Variants in CLVS2 observed in about 807,000 individuals in gnomAD.
CLVS2 encodes clavesin 2, also known as clavesin-2.
CLVS2 carries 19 observed loss-of-function variants against 29.0 expected under a neutral mutation model. The observed-to-expected ratio is 0.66, with a 90% CI of 0.46 to 0.96. CLVS2 has a LOEUF of 0.96. Ranked by LOEUF, CLVS2 falls within the 40% of genes least tolerant of loss-of-function variation. CLVS2 has a pLI of 0.00. For missense variants in CLVS2, 294 were observed against 404.1 expected (o/e 0.73, Z 2.34); for synonymous variants, 161 against 151.3 (o/e 1.06, Z -0.47).
intron 5 of CLVS2, among the ~76,000 whole-genome samples, 171 bp from the exon 6 acceptor site, chr6:123,063,503 A>G (rs1772808954): frequency 6.6e-6 from 1 of 152,138 alleles, no homozygotes; most frequent in Non-Finnish European, 1.5e-5. Flanking sequence ...AGTGCAAAAC[A>G]TCACCAGCAG....
chr6:123,070,515 A>C lies in CLVS2; in HGVS notation c.*6754A>C, dbSNP rs2114380567. The C allele has an allele frequency of 6.6e-6, 1 of 152,054 alleles. No homozygotes were observed. The highest frequency in any genetic ancestry group is 2.4e-5 in the African/African-American group (1 of 41,532). The allele number at this position is 152,054 out of a possible 1,614,324, so 9.4% of individuals were successfully genotyped here. Reference sequence around the variant, plus strand: ...CTTGCTTCCAGAGTCAATTTTCAACACATTAGCAAGAGTGAGTCTCTTAAA... The same window carrying C: ...CTTGCTTCCAGAGTCAATTTTCAACCCATTAGCAAGAGTGAGTCTCTTAAA... On this transcript the variant is annotated 3_prime_UTR_variant, in exon 6 of 6. Transcript: ENST00000275162.
At chr6:123,012,401 A>G (rs1774761704) in intron 3 of CLVS2, among the ~76,000 whole-genome samples, 1 of 151,874 alleles carries the variant, frequency 6.6e-6, no homozygotes, top group Non-Finnish European at 1.5e-5. Flanking sequence ...TATAATTGTT[A>G]TCCCTATTTA....
chr6:123,013,540 A>G (rs1002046782), intron 3 of CLVS2, among the ~76,000 whole-genome samples: 1 of 152,190 alleles, frequency 6.6e-6, no homozygotes, highest in African/African-American at 2.4e-5. Flanking sequence ...ACTTACGTGC[A>G]TTATGAATGG....
rs765104619 is a variant in CLVS2 at position 123,067,210 on chromosome 6, C to T, written c.*3449C>T. 4 of 151,594 alleles carry T rather than the reference C, an allele frequency of 2.6e-5. No homozygotes were observed. The highest frequency in any genetic ancestry group is 2.1e-4 in the South Asian group (1 of 4,824). 9.4% of individuals were successfully genotyped at this position (151,594 alleles called of 1,614,324 possible). A position where few individuals can be genotyped will look rare whatever the true frequency, so the allele number is the denominator to read the frequency against. ...AGGTCATATTGTTAAACATGTGAAGCGTCTGTAATATTCCTGAGGGAAAAG... is the reference window on the plus strand; with the variant it reads ...AGGTCATATTGTTAAACATGTGAAGTGTCTGTAATATTCCTGAGGGAAAAG... On this transcript the variant is annotated 3_prime_UTR_variant, in exon 6 of 6. Coordinates refer to ENST00000275162, the MANE Select transcript of CLVS2 (RefSeq NM_001010852.4).
intron 3 of CLVS2, among the ~76,000 whole-genome samples, chr6:123,014,114 A>G (rs954770941): frequency 3.9e-5 from 6 of 152,288 alleles, no homozygotes; most frequent in Middle Eastern, 3.4e-3. Context: ...TATTGCCGCT[A>G]TAAACATACG....
chr6:123,055,344 C>G (rs956329391), intron 4 of CLVS2, among the ~76,000 whole-genome samples: 6 of 152,136 alleles, frequency 3.9e-5, no homozygotes, highest in African/African-American at 7.2e-5. Flanking sequence ...AAAGAGAAAG[C>G]CTTGCAAGTG....
At chr6:122,998,451 T>A (rs903178193) in intron 2 of CLVS2, among the ~76,000 whole-genome samples, 1 of 152,144 alleles carries the variant, frequency 6.6e-6, no homozygotes, top group Non-Finnish European at 1.5e-5. Flanking sequence ...AACTTGTAAA[T>A]AAAGCTTCTC....
At chr6:123,007,452 A>C (rs993050145) in intron 2 of CLVS2, among the ~76,000 whole-genome samples, 2 of 152,212 alleles carry the variant, frequency 1.3e-5, no homozygotes, top group East Asian at 1.9e-4. Flanking sequence ...TTTAAGTTAC[A>C]TAAACATGCC....
chr6:123,002,841 G>A (rs192932065), intron 2 of CLVS2, among the ~76,000 whole-genome samples: 19 of 152,158 alleles, frequency 1.2e-4, no homozygotes, highest in African/African-American at 3.6e-4. Context: ...AGTCCTTTTC[G>A]TAAAAATTCT....
At chr6:123,049,000 CA>C (rs981514349) in intron 4 of CLVS2, among the ~76,000 whole-genome samples, 7 of 151,394 alleles carry the variant, frequency 4.6e-5, no homozygotes, top group South Asian at 4.2e-4. Context: ...ATTTAAAGGC[CA>C]AAAAAAACTC....
intron 5 of CLVS2, among the ~76,000 whole-genome samples, chr6:123,056,974 T>C (rs1010621194): frequency 6.6e-6 from 1 of 152,186 alleles, no homozygotes; most frequent in Non-Finnish European, 1.5e-5. Context: ...CTTTTATGCC[T>C]TTTATCTTTC....
chr6:123,016,414 C>T (rs552058162), intron 3 of CLVS2, among the ~76,000 whole-genome samples: 4 of 151,382 alleles, frequency 2.6e-5, no homozygotes, highest in Non-Finnish European at 4.4e-5. Flanking sequence ...GAAACTTGGA[C>T]TTTTTTATAA....
intron 5 of CLVS2, among the ~76,000 whole-genome samples, chr6:123,061,550 G>A (rs1288025214): frequency 6.6e-6 from 1 of 152,134 alleles, no homozygotes; most frequent in Non-Finnish European, 1.5e-5. Flanking sequence ...TGTGATTGAG[G>A]CATTGTTTCA....
rs1224536800 is a variant in CLVS2 at position 123,070,687 on chromosome 6, C to T, written c.*6926C>T. ...GTTTCTGATTGGGCTGGCATTTTTG[C>T]TGGTACTATGAAAAAATAGTTGTTA... On this transcript the variant is annotated 3_prime_UTR_variant, in exon 6 of 6. Coordinates refer to ENST00000275162, the MANE Select transcript of CLVS2 (RefSeq NM_001010852.4). 1 of 151,974 alleles carries T rather than the reference C, an allele frequency of 6.6e-6. No individual in the cohort carries two copies. The highest frequency in any genetic ancestry group is 1.5e-5 in the Non-Finnish European group (1 of 67,974). The allele number at this position is 151,974 out of a possible 1,614,324, so 9.4% of individuals were successfully genotyped here.
At position 123,056,043 on chromosome 6, in the gene CLVS2, C is replaced by G; in HGVS notation, c.896+17C>G. On this transcript the variant is annotated intron_variant, in intron 5 of 5. Coordinates refer to ENST00000275162, the MANE Select transcript of CLVS2 (RefSeq NM_001010852.4). ...CATGAAGAGGTATGCTGGAGGTAGA[C>G]TGGGGAGTGGGCTGGGCCAGGGCAG... 1 of 1,577,840 alleles carries G rather than the reference C, an allele frequency of 6.3e-7. No individual in the cohort carries two copies. Among genetic ancestry groups the G allele is most frequent in the Non-Finnish European group, 8.7e-7 (1 of 1,149,982 alleles).
chr6:123,022,769 A>G (rs1431578826), intron 3 of CLVS2, among the ~76,000 whole-genome samples: 1 of 152,032 alleles, frequency 6.6e-6, no homozygotes, highest in Non-Finnish European at 1.5e-5. Context: ...GCAGATTGGC[A>G]ACTTTATCAC....
rs987505165 is a variant in CLVS2 at position 123,071,495 on chromosome 6, T to G, written c.*7734T>G. The G allele has an allele frequency of 2.6e-4, 39 of 152,076 alleles. No individual in the cohort carries two copies. The highest frequency in any genetic ancestry group is 8.9e-4 in the African/African-American group (37 of 41,540). 9.4% of individuals were successfully genotyped at this position (152,076 alleles called of 1,614,324 possible). A position where few individuals can be genotyped will look rare whatever the true frequency, so the allele number is the denominator to read the frequency against. On this transcript the variant is annotated 3_prime_UTR_variant, in exon 6 of 6. Coordinates refer to ENST00000275162, the MANE Select transcript of CLVS2 (RefSeq NM_001010852.4). Reference sequence around the variant, plus strand: ...ACTCTTGGAGAGACTACAAGATAGCTCAGGGGAAAAGTCATTTTGAGATTA... The same window carrying G: ...ACTCTTGGAGAGACTACAAGATAGCGCAGGGGAAAAGTCATTTTGAGATTA...
At position 123,063,683 on chromosome 6, in the gene CLVS2, A is replaced by G. The variant is rs775040554; in HGVS notation, c.906A>G (p.Ser302=). 6.2e-7 allele frequency: 1 copy of G among 1,604,442 alleles called. No individual in the cohort carries two copies. The highest frequency in any genetic ancestry group is 1.7e-5 in the Admixed American group (1 of 59,598). ...LSPKSMKRSQ[S]VVDPTVLKRM... is the part of the protein sequence containing the mutation. ...GCTTTATCCTTTCCAGATCTCAATC[A>G]GTAGTGGATCCTACAGTACTAAAAC... Residue 302 remains serine (S), a synonymous_variant, in exon 6 of 6, where the codon TCA becomes TCG. Coordinates refer to ENST00000275162, the MANE Select transcript of CLVS2 (RefSeq NM_001010852.4).
intron 4 of CLVS2, among the ~76,000 whole-genome samples, chr6:123,048,985 ACT>A (rs1236329327): frequency 6.6e-6 from 1 of 152,098 alleles, no homozygotes; most frequent in African/African-American, 2.4e-5. Context: ...TTTGTTAAAG[ACT>A]CAATTTAAAG....
Sources: gnomAD v4.1 joint callset for allele counts (sites outside exome capture counted in the v4.1 genomes callset) on GRCh38, gnomAD v4.1.1 for gene constraint, MANE v1.5 for transcripts, NCBI Gene and HGNC (gene_info 2026-07-23, HGNC 2026-07-21) for gene names.